Variants in FHIT observed in about 807,000 individuals in gnomAD.
The protein encoded by FHIT is bis(5'-adenosyl)-triphosphatase.
FHIT carries 19 observed loss-of-function variants against 17.9 expected under a neutral mutation model. The observed-to-expected ratio is 1.06, with a 90% CI of 0.74 to 1.56. FHIT has a LOEUF of 1.56. FHIT is among the 40% of genes most tolerant of loss of function. The pLI is 0.00. For missense variants in FHIT, 248 were observed against 189.2 expected (o/e 1.31, Z -1.82); for synonymous variants, 81 against 69.7 (o/e 1.16, Z -0.81).
At chr3:60,092,473 C>A (rs1703773631) in intron 5 of FHIT, among the ~76,000 whole-genome samples, 1 of 152,136 alleles carries the variant, frequency 6.6e-6, no homozygotes, top group African/African-American at 2.4e-5. Context: ...CAAAATCATG[C>A]TTTTACAATG....
chr3:60,338,613 T>C (rs1236892917), intron 5 of FHIT, among the ~76,000 whole-genome samples: 1 of 152,222 alleles, frequency 6.6e-6, no homozygotes, highest in Non-Finnish European at 1.5e-5. Flanking sequence ...AAAGCATGGT[T>C]ACCACATAAA....
At chr3:60,056,182 T>C (rs1398091056) in intron 5 of FHIT, among the ~76,000 whole-genome samples, 2 of 152,202 alleles carry the variant, frequency 1.3e-5, no homozygotes, top group Admixed American at 6.5e-5. Flanking sequence ...ACAATATTTC[T>C]GCCTTATTTC....
intron 5 of FHIT, among the ~76,000 whole-genome samples, chr3:60,120,367 A>T (rs539591895): frequency 2.0e-5 from 3 of 152,226 alleles, no homozygotes; most frequent in African/African-American, 4.8e-5. Context: ...AGGGTTAAAG[A>T]TATTATAAAT....
chr3:60,193,586 C>T (rs1445581469), intron 5 of FHIT, among the ~76,000 whole-genome samples: 1 of 152,102 alleles, frequency 6.6e-6, no homozygotes, highest in Non-Finnish European at 1.5e-5. Flanking sequence ...AATATGCATA[C>T]CTATAACCAT....
intron 4 of FHIT, among the ~76,000 whole-genome samples, chr3:60,567,433 T>C (rs1576893736): frequency 1.3e-5 from 2 of 152,190 alleles, no homozygotes; most frequent in African/African-American, 2.4e-5. Flanking sequence ...ATCCCTTCCT[T>C]ACACCTTATA....
intron 5 of FHIT, among the ~76,000 whole-genome samples, chr3:60,409,006 C>T (rs1207388246): frequency 1.3e-5 from 2 of 152,062 alleles, no homozygotes; most frequent in Non-Finnish European, 2.9e-5. Flanking sequence ...GGGGCTCAAA[C>T]GCCAACTTTG....
At chr3:60,086,082 G>A (rs988549194) in intron 5 of FHIT, among the ~76,000 whole-genome samples, 3 of 152,132 alleles carry the variant, frequency 2.0e-5, no homozygotes, top group Non-Finnish European at 4.4e-5. Context: ...ATCATCTCAT[G>A]GCAGAAGGCA....
At chr3:59,820,699 T>C (rs1295352540) in intron 8 of FHIT, among the ~76,000 whole-genome samples, 1 of 152,212 alleles carries the variant, frequency 6.6e-6, no homozygotes, top group Non-Finnish European at 1.5e-5. Flanking sequence ...ACTGGGTACC[T>C]TGCAAATGTT....
chr3:59,953,203 T>G (rs1266325057), intron 7 of FHIT, among the ~76,000 whole-genome samples: 3 of 152,022 alleles, frequency 2.0e-5, no homozygotes, highest in African/African-American at 7.3e-5. Context: ...TTTCTCTGCA[T>G]CTGTCCCTGT....
intron 5 of FHIT, among the ~76,000 whole-genome samples, chr3:60,189,087 T>C (rs1239338779): frequency 6.6e-6 from 1 of 152,098 alleles, no homozygotes; most frequent in Non-Finnish European, 1.5e-5. Context: ...AGACAGCCCC[T>C]GCCTACAAAA....
At chr3:60,667,961 G>T (rs1440175737) in intron 4 of FHIT, among the ~76,000 whole-genome samples, 1 of 152,066 alleles carries the variant, frequency 6.6e-6, no homozygotes, top group Non-Finnish European at 1.5e-5. Context: ...CTCTCAGTGG[G>T]AGAGGAATAC....
At position 59,986,536 on chromosome 3, in the gene FHIT, T is replaced by A. The variant is rs1359811650; in HGVS notation, c.279+24835A>T. On this transcript the variant is annotated intron_variant, in intron 7 of 9. Transcript: ENST00000492590. ...ATATATATATATATATATATATATA[T>A]ATATACACACACACACACACACACA... 6.4e-3 allele frequency among the ~76,000 whole-genome samples: 70 copies of A among 10,898 alleles called. No homozygotes were observed. In the East Asian group the frequency reaches 0.12, roughly 19 times the overall value. The allele number at this position is 10,898 out of a possible 152,430, so 7.1% of individuals were successfully genotyped here.
intron 5 of FHIT, among the ~76,000 whole-genome samples, chr3:60,465,121 G>A (rs914062466): frequency 2.0e-5 from 3 of 152,096 alleles, no homozygotes; most frequent in African/African-American, 7.2e-5. Flanking sequence ...TTTCTCTGAT[G>A]ATCAGTTATG....
intron 4 of FHIT, among the ~76,000 whole-genome samples, chr3:60,756,562 T>G (rs1319251763): frequency 1.3e-5 from 2 of 152,040 alleles, no homozygotes; most frequent in Non-Finnish European, 2.9e-5. Context: ...ATTCAAAGAC[T>G]AATAAAATGG....
At chr3:60,366,213 T>C in intron 5 of FHIT, among the ~76,000 whole-genome samples, 1 of 152,194 alleles carries the variant, frequency 6.6e-6, no homozygotes, top group East Asian at 1.9e-4. Context: ...TCTCACTCTG[T>C]CACCCAGGCT....
intron 5 of FHIT, among the ~76,000 whole-genome samples, chr3:60,510,574 G>T (rs2034911743): frequency 6.6e-6 from 1 of 152,006 alleles, no homozygotes. Flanking sequence ...GGACTAGGAA[G>T]AATTTCATTA....
At chr3:59,776,593 C>G (rs1401679025) in intron 8 of FHIT, among the ~76,000 whole-genome samples, 7 of 152,106 alleles carry the variant, frequency 4.6e-5, no homozygotes, top group Non-Finnish European at 1.0e-4. Context: ...AACCATGTGC[C>G]CCCTGATGAC....
chr3:60,901,721 A>T (rs1364553473), intron 3 of FHIT, among the ~76,000 whole-genome samples: 1 of 152,108 alleles, frequency 6.6e-6, no homozygotes, highest in Non-Finnish European at 1.5e-5. Context: ...GTAGCTAGGT[A>T]CTTTTTTTTT....
At chr3:61,082,123 G>A (rs1423459717) in intron 2 of FHIT, among the ~76,000 whole-genome samples, 2 of 151,120 alleles carry the variant, frequency 1.3e-5, no homozygotes, top group African/African-American at 4.9e-5. Flanking sequence ...CTGATATAGA[G>A]AAAAGTGCAT....
Sources: allele counts gnomAD v4.1 joint callset (sites outside exome capture counted in the v4.1 genomes callset), GRCh38; gene constraint gnomAD v4.1.1; transcripts MANE v1.5; gene names NCBI Gene and HGNC (gene_info 2026-07-23, HGNC 2026-07-21).